The following PSMD5 variants were observed in gnomAD, a reference collection of about 807,000 sequenced individuals.
The protein encoded by PSMD5 is proteasome 26S subunit, non-ATPase 5, also known as 26S proteasome non-ATPase regulatory subunit 5.
Under a neutral mutation model 52.1 loss-of-function variants are expected in PSMD5, and 40 were observed. That is an observed-to-expected ratio of 0.77 (90% confidence interval 0.60 to 1.00). The LOEUF (loss-of-function observed/expected upper bound fraction) is 1.00, where lower values mean the gene tolerates loss of function less well. Ranked by LOEUF, PSMD5 falls within the 50% of genes least tolerant of loss-of-function variation. The pLI, the probability that PSMD5 is intolerant of heterozygous loss-of-function variation, is 0.00. For synonymous variants in PSMD5, 211 were observed against 226.6 expected (o/e 0.93, Z 0.62); for missense variants, 575 against 605.2 (o/e 0.95, Z 0.52).
chr9:120,839,762 A>C (rs945321064), intron 1 of PSMD5, among the ~76,000 whole-genome samples: 1 of 150,362 alleles, frequency 6.7e-6, no homozygotes, highest in Non-Finnish European at 1.5e-5. Context: ...TTTTTTCCCC[A>C]GAATCCAGGT....
intron 4 of PSMD5, among the ~76,000 whole-genome samples, chr9:120,829,668 T>A (rs2045146840): frequency 1.3e-5 from 2 of 152,188 alleles, no homozygotes; most frequent in Non-Finnish European, 2.9e-5. Flanking sequence ...AGTGTTGAGA[T>A]TACAGGCATG....
intron 2 of PSMD5, among the ~76,000 whole-genome samples, chr9:120,832,866 GT>G (rs1414952993): frequency 3.3e-5 from 5 of 152,208 alleles, no homozygotes; most frequent in Non-Finnish European, 5.9e-5. Context: ...TTAATTGTTG[GT>G]TTAGTGACCT....
chr9:120,834,724 C>T (rs1212594714), intron 1 of PSMD5, among the ~76,000 whole-genome samples: 1 of 152,202 alleles, frequency 6.6e-6, no homozygotes. Context: ...AAATCAATGG[C>T]AGGCCATAAG....
chr9:120,818,216 A>G, intron 9 of PSMD5, 53 bp from the exon 10 acceptor site: 1 of 1,549,610 alleles, frequency 6.5e-7, no homozygotes, highest in Non-Finnish European at 8.8e-7. Context: ...GTTGTTTGTT[A>G]ATGGGATGGC....
chr9:120,824,448 C>G, intron 7 of PSMD5, 46 bp downstream of exon 7: 1 of 1,582,752 alleles, frequency 6.3e-7, no homozygotes, highest in Non-Finnish European at 8.7e-7. Context: ...TATTGAACCC[C>G]TGTCAAAGAT....
intron 1 of PSMD5, among the ~76,000 whole-genome samples, chr9:120,836,429 C>A (rs2045198667): frequency 6.8e-6 from 1 of 147,626 alleles, no homozygotes; most frequent in African/African-American, 2.5e-5. Context: ...TGGAGTCTCG[C>A]TCTGTTGCCC....
chr9:120,827,537 A>C (rs2045130944), intron 5 of PSMD5, among the ~76,000 whole-genome samples: 1 of 152,202 alleles, frequency 6.6e-6, no homozygotes, highest in Admixed American at 6.5e-5. Context: ...TTGATCCTAA[A>C]CTGTTTTGAC....
chr9:120,820,427 G>A (rs528520278), intron 9 of PSMD5, among the ~76,000 whole-genome samples: 1 of 152,320 alleles, frequency 6.6e-6, no homozygotes, highest in South Asian at 2.1e-4. Flanking sequence ...AGGTTAAGAA[G>A]CAAAGTTAAG....
intron 5 of PSMD5, among the ~76,000 whole-genome samples, chr9:120,828,706 G>A (rs1011716011): frequency 6.6e-6 from 1 of 152,032 alleles, no homozygotes; most frequent in African/African-American, 2.4e-5. Context: ...GATTACAGGC[G>A]TGAGCCACCG....
At chr9:120,821,628 C>T (rs1190389902) in intron 7 of PSMD5, among the ~76,000 whole-genome samples, 164 bp from the exon 8 acceptor site, 1 of 152,196 alleles carries the variant, frequency 6.6e-6, no homozygotes, top group Non-Finnish European at 1.5e-5. Flanking sequence ...TTCATCAACC[C>T]AAACTGAAAC....
intron 1 of PSMD5, among the ~76,000 whole-genome samples, chr9:120,835,940 C>G (rs2045195278): frequency 6.6e-6 from 1 of 152,096 alleles, no homozygotes; most frequent in Non-Finnish European, 1.5e-5. Context: ...CAGCCATCAC[C>G]ATCGTCCATC....
chr9:120,821,457 G>C lies in PSMD5; in HGVS notation c.1014C>G (p.Arg338=). 6.3e-7 allele frequency: 1 copy of C among 1,587,310 alleles called. No individual in the cohort carries two copies. The highest frequency in any genetic ancestry group is 1.1e-5 in the South Asian group (1 of 87,532). The part of the protein sequence containing the change: ...GKQVLQKTGT[R]FERLLMRIGH... Reference sequence around the variant, plus strand: ...CTATTCTCATAAGCAAGCGTTCAAAGCGAGTTCCTTTGAAGGATAACAGTG... The same window carrying C: ...CTATTCTCATAAGCAAGCGTTCAAACCGAGTTCCTTTGAAGGATAACAGTG... The change falls in exon 8 of 10, where the codon CGC becomes CGG. Residue 338 remains arginine (R), a synonymous_variant. Transcript: ENST00000210313.
intron 1 of PSMD5, among the ~76,000 whole-genome samples, chr9:120,839,629 C>T (rs1009735325): frequency 5.3e-5 from 8 of 152,142 alleles, no homozygotes; most frequent in African/African-American, 1.2e-4. Flanking sequence ...AAATCATCCA[C>T]TGTTGATTCA....
chr9:120,831,216 G>T, intron 4 of PSMD5, 115 bp downstream of exon 4: 2 of 1,114,998 alleles, frequency 1.8e-6, no homozygotes, highest in Non-Finnish European at 2.4e-6. Flanking sequence ...TATATTCCCA[G>T]CACCTACTGT....
At chr9:120,824,303 C>CA (rs35903891) in intron 7 of PSMD5, 191 bp downstream of exon 7, 18,185 of 451,540 alleles carry the variant, frequency 0.04, 86 homozygotes, top group African/African-American at 0.093. Context: ...AGTGAAAAGT[C>CA]AAAAAAAAAA....
At chr9:120,829,263 C>CCTG in intron 4 of PSMD5, 55 bp from the exon 5 acceptor site, 1 of 1,447,514 alleles carries the variant, frequency 6.9e-7, no homozygotes, top group Non-Finnish European at 9.1e-7. Context: ...AGCCCTACGC[C>CCTG]TGATAGATCT....
chr9:120,834,996 T>C (rs952612663), intron 1 of PSMD5, among the ~76,000 whole-genome samples: 5 of 152,228 alleles, frequency 3.3e-5, no homozygotes, highest in African/African-American at 1.2e-4. Context: ...GCTAATATAT[T>C]GTTAGTAGTA....
intron 7 of PSMD5, among the ~76,000 whole-genome samples, chr9:120,822,185 C>T (rs2045090215): frequency 6.6e-6 from 1 of 152,012 alleles, no homozygotes; most frequent in African/African-American, 2.4e-5. Flanking sequence ...AAAGTATGCT[C>T]TCATACACTA....
intron 1 of PSMD5, among the ~76,000 whole-genome samples, chr9:120,836,616 C>G (rs995520151): frequency 2.0e-5 from 3 of 151,868 alleles, no homozygotes; most frequent in African/African-American, 7.3e-5. Flanking sequence ...AGGCTGGCCT[C>G]GAATTCCTGA....
Sources: gnomAD v4.1 joint callset for allele counts (sites outside exome capture counted in the v4.1 genomes callset) on GRCh38, gnomAD v4.1.1 for gene constraint, MANE v1.5 for transcripts, NCBI Gene and HGNC (gene_info 2026-07-23, HGNC 2026-07-21) for gene names.